The following DERA variants were observed in gnomAD, a reference collection of about 807,000 sequenced individuals.
DERA encodes deoxyribose-phosphate aldolase.
Under a neutral mutation model 41.1 loss-of-function variants are expected in DERA, and 15 were observed. That is an observed-to-expected ratio of 0.37 (90% CI 0.24 to 0.56). DERA has a LOEUF of 0.56. Ranked by LOEUF, DERA falls within the 20% of genes least tolerant of loss-of-function variation. DERA has a pLI of 0.81. For synonymous variants in DERA, 139 were observed against 137.4 expected, an observed-to-expected ratio of 1.01 and a Z score of -0.08; for missense variants, 396 against 403.4, an observed-to-expected ratio of 0.98 and a Z score of 0.16.
rs1169806487 is a variant in DERA, at chr12:15,999,028, AT to A, written c.637+16595del. Among the ~76,000 whole-genome samples, 1 of 152,074 alleles carries A rather than the reference AT, an allele frequency of 6.6e-6. No homozygotes were observed. The highest frequency in any genetic ancestry group is 1.5e-5 in the Non-Finnish European group (1 of 68,014). ...CCTCCTTTCATCTTCAACATATTAG[AT>A]TTAGGATTTGAATAGGGAGTTCCCC... On this transcript the variant is annotated intron_variant, in intron 6 of 8. Transcript: ENST00000428559. The surrounding 1 kb of genome is among the most constrained non-coding windows in gnomAD (Gnocchi z 5.3).
intron 5 of DERA, among the ~76,000 whole-genome samples, chr12:15,977,644 G>A (rs1177037292): frequency 6.6e-6 from 1 of 152,142 alleles, no homozygotes; most frequent in Non-Finnish European, 1.5e-5. Context: ...TTTTAGTAGA[G>A]ACGGGGTTTC....
Position 15,930,511 on chromosome 12 carries a change from T to A in DERA, c.31+19097T>A, listed in dbSNP as rs971010315. On this transcript the variant is annotated intron_variant, in intron 1 of 8. Transcript: ENST00000428559. ...TAGGTGTTTATTTGATAAGTCTCAT[T>A]GGTACCATCCTATGACTATTTTAGA... is the stretch of plus-strand genomic sequence containing the variant. Among the ~76,000 whole-genome samples, 2 of 152,184 alleles carry A rather than the reference T, an allele frequency of 1.3e-5. 1 individual carries two copies. The highest frequency in any genetic ancestry group is 2.9e-5 in the Non-Finnish European group (2 of 68,012).
rs1258071409 is a variant in DERA, at chr12:16,000,469, C to G, written c.637+18033C>G. On this transcript the variant is annotated intron_variant, in intron 6 of 8. Transcript: ENST00000428559. The surrounding 1 kb of genome is among the most constrained non-coding windows in gnomAD (Gnocchi z 4.8). ...AGTGATTCAGGAGGAAAAGGAAATT[C>G]ATGCTTTTACTTGAATTATCAGGAT... Among the ~76,000 whole-genome samples the G allele has an allele frequency of 6.6e-6, 1 of 152,200 alleles. No homozygotes were observed. The highest frequency in any genetic ancestry group is 1.5e-5 in the Non-Finnish European group (1 of 68,042).
At position 15,918,582 on chromosome 12, in the gene DERA, A is replaced by T. The variant is rs554154293; in HGVS notation, c.31+7168A>T. Among the ~76,000 whole-genome samples, 214 of 152,314 alleles carry T rather than the reference A, an allele frequency of 1.4e-3. No homozygotes were observed. Among genetic ancestry groups the T allele is most frequent in the African/African-American group, 4.9e-3 (202 of 41,574 alleles). On this transcript the variant is annotated intron_variant, in intron 1 of 8. Transcript: ENST00000428559. The surrounding 1 kb of genome is among the most constrained non-coding windows in gnomAD (Gnocchi z 4.3). Reference sequence around the variant, plus strand: ...TTTTTAATTTTTAAAATGTAAATATATAAGAATATTTTAAAAACCTTTATG... The same window carrying T: ...TTTTTAATTTTTAAAATGTAAATATTTAAGAATATTTTAAAAACCTTTATG...
In DERA at chr12:16,035,535, A is replaced by G. The variant is rs1420807044; in HGVS notation, c.751-697A>G. ...TCCAGGGACATCATTTACGAATATC[A>G]GATATTGGCTGAATTCAGCTGTGTT... On this transcript the variant is annotated intron_variant, in intron 7 of 8. Coordinates refer to ENST00000428559, the MANE Select transcript of DERA (RefSeq NM_015954.4). This position sits in a 1 kb window ranked among gnomAD's most constrained non-coding sequence, Gnocchi z 4.1. Among the ~76,000 whole-genome samples, 1 of 152,144 alleles carries G rather than the reference A, an allele frequency of 6.6e-6. No individual in the cohort carries two copies. Among genetic ancestry groups the G allele is most frequent in the African/African-American group, 2.4e-5 (1 of 41,432 alleles).
intron 5 of DERA, among the ~76,000 whole-genome samples, chr12:15,978,958 T>C (rs1406743591): frequency 6.6e-6 from 1 of 152,246 alleles, no homozygotes; most frequent in Non-Finnish European, 1.5e-5. Flanking sequence ...ATCATTCCCA[T>C]TTTGTAAATG....
intron 1 of DERA, among the ~76,000 whole-genome samples, chr12:15,947,555 T>A (rs1355846999): frequency 6.6e-6 from 1 of 152,214 alleles, no homozygotes; most frequent in African/African-American, 2.4e-5. Context: ...GTTTTCCATT[T>A]GCTTGGTAGA....
rs1387644123 is a variant in DERA at position 15,957,004 on chromosome 12, G to T, written c.100G>T (p.Ala34Ser). The T allele has an allele frequency of 6.2e-7, 1 of 1,613,778 alleles. No homozygotes were observed. The highest frequency in any genetic ancestry group is 1.3e-5 in the African/African-American group (1 of 74,888). The stretch of plus-strand genomic sequence containing the variant: ...TCTGAGGCGTGCGGAACAAATCCAG[G>T]CTCGCAGAACCGTGAAAAAGGAGTG... Reference protein sequence around the residue: ...AVLRRAEQIQARRTVKKEWQA... With the variant: ...AVLRRAEQIQSRRTVKKEWQA... The change falls in exon 2 of 9, where the codon GCT becomes TCT. Residue 34 changes from alanine (A) to serine (S), a missense_variant. Coordinates refer to ENST00000428559, the MANE Select transcript of DERA (RefSeq NM_015954.4). The surrounding 1 kb of genome is among the most constrained non-coding windows in gnomAD (Gnocchi z 4.8).
At position 15,932,115 on chromosome 12, in the gene DERA, T is replaced by C. The variant is rs549075346; in HGVS notation, c.31+20701T>C. Among the ~76,000 whole-genome samples, 74 of 152,336 alleles carry C rather than the reference T, an allele frequency of 4.9e-4. 1 individual carries two copies. Among genetic ancestry groups the C allele is most frequent in the Middle Eastern group, 3.4e-3 (1 of 294 alleles). On this transcript the variant is annotated intron_variant, in intron 1 of 8. Transcript: ENST00000428559. Reference sequence around the variant, plus strand: ...AAAATGGACTAAGAGCATATAATAATGTAACCAAGATATTGACAATAACCA... The same window carrying C: ...AAAATGGACTAAGAGCATATAATAACGTAACCAAGATATTGACAATAACCA...
intron 1 of DERA, among the ~76,000 whole-genome samples, chr12:15,923,017 CTTTTTTTTTTTT>C (rs1208644862): frequency 2.9e-5 from 3 of 104,428 alleles, no homozygotes; most frequent in East Asian, 3.0e-4. Context: ...TTTGTTTTTG[CTTTTTTTTTTTT>C]TTTTTTTTTT....
In DERA at chr12:16,036,214, C is replaced by T; in HGVS notation, c.751-18C>T. ...CAATAACAATAAAGATTGTTCTATT[C>T]TCTGCCTTCCCATTTAGATAGGGTT... On this transcript the variant is annotated intron_variant, in intron 7 of 8. Transcript: ENST00000428559. The surrounding 1 kb of genome is among the most constrained non-coding windows in gnomAD (Gnocchi z 4.9). 1 of 1,582,876 alleles carries T rather than the reference C, an allele frequency of 6.3e-7. No individual in the cohort carries two copies. The highest frequency in any genetic ancestry group is 8.6e-7 in the Non-Finnish European group (1 of 1,166,794).
rs529616402 is a variant in DERA, at chr12:15,990,665, A to G, written c.637+8229A>G. 6.6e-6 allele frequency among the ~76,000 whole-genome samples: 1 copy of G among 152,188 alleles called. No individual in the cohort carries two copies. Among genetic ancestry groups the G allele is most frequent in the East Asian group, 1.9e-4 (1 of 5,176 alleles). On this transcript the variant is annotated intron_variant, in intron 6 of 8. Coordinates refer to ENST00000428559, the MANE Select transcript of DERA (RefSeq NM_015954.4). The surrounding 1 kb of genome is among the most constrained non-coding windows in gnomAD (Gnocchi z 4.3). ...CTCCTTGATGTGTCTATGTGTTGTC[A>G]TCATTTAGCTCCCACTTATAAGTGA... is the stretch of plus-strand genomic sequence containing the variant.
chr12:15,956,392 G>T (rs1948538890), intron 1 of DERA, among the ~76,000 whole-genome samples: 1 of 152,160 alleles, frequency 6.6e-6, no homozygotes, highest in Non-Finnish European at 1.5e-5. Context: ...AGTCAATGTT[G>T]TTATTTCTAA....
rs993738208 is a variant in DERA at position 15,993,205 on chromosome 12, A to G, written c.637+10769A>G. ...ATAGGGGAAGCCATCAAAAAATAAA[A>G]TAAAGGGGAAAAGTAGTGGGAAACG... On this transcript the variant is annotated intron_variant, in intron 6 of 8. Transcript: ENST00000428559. The surrounding 1 kb of genome is among the most constrained non-coding windows in gnomAD (Gnocchi z 4.4). Among the ~76,000 whole-genome samples the G allele has an allele frequency of 6.6e-6, 1 of 152,212 alleles. No homozygotes were observed. The highest frequency in any genetic ancestry group is 1.5e-5 in the Non-Finnish European group (1 of 68,016).
intron 1 of DERA, among the ~76,000 whole-genome samples, chr12:15,952,151 G>A (rs1046257975): frequency 1.5e-4 from 23 of 152,032 alleles, no homozygotes; most frequent in Admixed American, 1.4e-3. Context: ...CGCCTGCCTC[G>A]GCCTCCCAAA....
chr12:15,963,769 A>G (rs959633276), intron 5 of DERA, among the ~76,000 whole-genome samples: 3 of 152,126 alleles, frequency 2.0e-5, no homozygotes, highest in Non-Finnish European at 2.9e-5. Context: ...GGCTATTCCC[A>G]CACTCCTTTA....
At position 15,958,349 on chromosome 12, in the gene DERA, G is replaced by A. The variant is rs753526129; in HGVS notation, c.277+14G>A. 4 of 1,590,622 alleles carry A rather than the reference G, an allele frequency of 2.5e-6. No individual in the cohort carries two copies. Among genetic ancestry groups the A allele is most frequent in the South Asian group, 1.2e-5 (1 of 86,080 alleles). Reference sequence around the variant, plus strand: ...TGCATGATAAAGGTAATGTTGTTGTGTGTGATCTATGTGGTGTTTAGTGCT... The same window carrying A: ...TGCATGATAAAGGTAATGTTGTTGTATGTGATCTATGTGGTGTTTAGTGCT... On this transcript the variant is annotated intron_variant, in intron 3 of 8. Coordinates refer to ENST00000428559, the MANE Select transcript of DERA (RefSeq NM_015954.4).
chr12:16,025,550 G>T (rs927520246), intron 6 of DERA, among the ~76,000 whole-genome samples: 6 of 151,992 alleles, frequency 3.9e-5, no homozygotes, highest in African/African-American at 1.4e-4. Context: ...ATCAAAATAT[G>T]AGGCAAAAAT....
intron 1 of DERA, among the ~76,000 whole-genome samples, chr12:15,925,734 A>G (rs565822867): frequency 4.6e-4 from 70 of 151,524 alleles, no homozygotes; most frequent in African/African-American, 1.7e-3. Context: ...AATGGGGAGA[A>G]TTTAATCATT....
Sources: gnomAD v4.1 joint callset for allele counts (sites outside exome capture counted in the v4.1 genomes callset) on GRCh38, gnomAD v4.1.1 for gene constraint, Gnocchi (gnomAD v3.1) non-coding constraint, MANE v1.5 for transcripts, NCBI Gene and HGNC (gene_info 2026-07-23, HGNC 2026-07-21) for gene names.